Variants in PLEKHH2 observed in about 807,000 individuals in gnomAD.
PLEKHH2 encodes pleckstrin homology domain-containing family H member 2.
In PLEKHH2, 129 loss-of-function variants were observed where a neutral mutation model predicts 187.9. The observed-to-expected ratio is 0.69, with a 90% CI of 0.59 to 0.79. The LOEUF (loss-of-function observed/expected upper bound fraction) is 0.79, where lower values mean the gene tolerates loss of function less well. Among genes scored for constraint, PLEKHH2 ranks in the 30% least tolerant of loss-of-function variants. PLEKHH2 has a pLI of 0.00. For synonymous variants in PLEKHH2, 686 were observed against 605.6 expected (o/e 1.13, Z -1.95); for missense variants, 2,076 against 1,751.2 (o/e 1.19, Z -3.31).
intron 24 of PLEKHH2, among the ~76,000 whole-genome samples, chr2:43,752,715 G>T (rs560346822): frequency 1.6e-4 from 25 of 152,106 alleles, no homozygotes; most frequent in South Asian, 4.1e-4. Flanking sequence ...ATTTAGAGCC[G>T]TTACAGCACC....
At chr2:43,688,940 A>G (rs2104455566) in intron 3 of PLEKHH2, among the ~76,000 whole-genome samples, 1 of 152,300 alleles carries the variant, frequency 6.6e-6, no homozygotes. Flanking sequence ...CACCTGACTG[A>G]TCTTAGTCAG....
At chr2:43,682,953 C>CAG (rs772553228) in intron 3 of PLEKHH2, among the ~76,000 whole-genome samples, 19 of 151,894 alleles carry the variant, frequency 1.3e-4, no homozygotes, top group Non-Finnish European at 2.4e-4. Flanking sequence ...CACACACACA[C>CAG]ACACACACAA....
intron 11 of PLEKHH2, among the ~76,000 whole-genome samples, chr2:43,709,404 G>A (rs1002727448): frequency 1.3e-5 from 2 of 152,112 alleles, no homozygotes; most frequent in African/African-American, 4.8e-5. Flanking sequence ...ATGTCAATGT[G>A]TAAATACACA....
chr2:43,643,793 A>G (rs886796186), intron 1 of PLEKHH2, among the ~76,000 whole-genome samples: 2 of 152,092 alleles, frequency 1.3e-5, no homozygotes, highest in Non-Finnish European at 2.9e-5. Context: ...ATATTACCAA[A>G]CATTTAAAAC....
At chr2:43,729,486 T>G in intron 17 of PLEKHH2, 151 bp from the exon 18 acceptor site, 1 of 505,862 alleles carries the variant, frequency 2.0e-6, no homozygotes, top group South Asian at 3.7e-5. Context: ...TGCCTCAGAA[T>G]TGTTTGAATA....
intron 21 of PLEKHH2, among the ~76,000 whole-genome samples, chr2:43,742,158 C>A (rs112982108): frequency 0.2 from 30,539 of 151,656 alleles, 3,297 homozygotes; most frequent in Admixed American, 0.3. Context: ...GCGCCACCAC[C>A]CCCGGCTAAT....
chr2:43,723,823 T>C (rs1287714109), intron 16 of PLEKHH2, among the ~76,000 whole-genome samples: 1 of 152,136 alleles, frequency 6.6e-6, no homozygotes, highest in Non-Finnish European at 1.5e-5. Context: ...ATCTTGCCTG[T>C]GTCTAACAGG....
chr2:43,684,460 G>A (rs758089044), intron 3 of PLEKHH2, among the ~76,000 whole-genome samples: 18 of 152,050 alleles, frequency 1.2e-4, no homozygotes, highest in Admixed American at 2.6e-4. Flanking sequence ...ATAATATGTG[G>A]CAAATTTGTT....
At chr2:43,669,837 C>T (rs998786690) in intron 2 of PLEKHH2, among the ~76,000 whole-genome samples, 6 of 151,854 alleles carry the variant, frequency 4.0e-5, no homozygotes, top group Non-Finnish European at 1.5e-5. Context: ...CTCCCAGAAA[C>T]TTTTAAACAT....
chr2:43,683,142 C>CTTTTTTT (rs34805310), intron 3 of PLEKHH2, among the ~76,000 whole-genome samples: 16 of 94,562 alleles, frequency 1.7e-4, no homozygotes, highest in South Asian at 3.8e-4. Context: ...TTTATATACC[C>CTTTTTTT]TTTTTTTTTT....
intron 2 of PLEKHH2, among the ~76,000 whole-genome samples, chr2:43,645,082 G>C (rs544286498): frequency 6.6e-6 from 1 of 152,042 alleles, no homozygotes; most frequent in Non-Finnish European, 1.5e-5. Context: ...TATTAGAGGA[G>C]TATGACAGCT....
chr2:43,671,573 G>A (rs1667500046), intron 2 of PLEKHH2, among the ~76,000 whole-genome samples: 1 of 152,166 alleles, frequency 6.6e-6, no homozygotes, highest in South Asian at 2.1e-4. Context: ...TTCCCATTGA[G>A]TATGATGTTA....
At chr2:43,748,956 C>T (rs902484126) in intron 24 of PLEKHH2, among the ~76,000 whole-genome samples, 1 of 152,136 alleles carries the variant, frequency 6.6e-6, no homozygotes, top group African/African-American at 2.4e-5. Flanking sequence ...TGGTTTTCAC[C>T]ATGTTGGCCA....
At chr2:43,718,406 C>T (rs1051886226) in intron 15 of PLEKHH2, among the ~76,000 whole-genome samples, 4 of 152,146 alleles carry the variant, frequency 2.6e-5, no homozygotes, top group Middle Eastern at 3.4e-3. Flanking sequence ...GCCATGGTAG[C>T]ACGTGCCTGT....
intron 19 of PLEKHH2, among the ~76,000 whole-genome samples, chr2:43,731,890 A>C (rs529358528): frequency 6.6e-6 from 1 of 152,186 alleles, no homozygotes; most frequent in Non-Finnish European, 1.5e-5. Flanking sequence ...CTAATTTTCC[A>C]CATCACACCA....
intron 21 of PLEKHH2, 65 bp downstream of exon 21, chr2:43,741,108 G>A (rs1203359404): frequency 2.1e-6 from 3 of 1,403,490 alleles, no homozygotes; most frequent in Non-Finnish European, 3.0e-6. Flanking sequence ...TAAATCATAA[G>A]TATTTAACGA....
At chr2:43,666,032 C>A (rs1161949804) in intron 2 of PLEKHH2, among the ~76,000 whole-genome samples, 2 of 148,216 alleles carry the variant, frequency 1.3e-5, no homozygotes, top group East Asian at 1.9e-4. Flanking sequence ...GCTTTGTTTA[C>A]CTAAGCAAGC....
rs146156020 is a variant in PLEKHH2, at chr2:43,721,590, A to G, written c.2541+841A>G. The stretch of plus-strand genomic sequence containing the variant: ...GAGATTAACGCAGTACAGCCATTAA[A>G]AACAATACTGAGGCCAGGCATGATG... On this transcript the variant is annotated intron_variant, in intron 16 of 29. Transcript: ENST00000282406. Among the ~76,000 whole-genome samples the G allele has an allele frequency of 3.5e-3, 529 of 152,300 alleles. 9 individuals carry two copies. The highest frequency in any genetic ancestry group is 0.02 in the Middle Eastern group (6 of 294).
intron 28 of PLEKHH2, among the ~76,000 whole-genome samples, chr2:43,763,112 T>C (rs927156094): frequency 5.9e-5 from 9 of 152,184 alleles, no homozygotes; most frequent in African/African-American, 2.2e-4. Flanking sequence ...ACACTTTTTT[T>C]CAAGGGGTTA....
Sources: allele counts gnomAD v4.1 joint callset (sites outside exome capture counted in the v4.1 genomes callset), GRCh38; gene constraint gnomAD v4.1.1; transcripts MANE v1.5; gene names NCBI Gene and HGNC (gene_info 2026-07-23, HGNC 2026-07-21).